DST: variants seen among roughly 807,000 people sequenced by gnomAD.
DST encodes dystonin.
A neutral mutation model predicts 875.2 loss-of-function variants in DST; 253 were observed. The ratio of observed to expected loss-of-function variants is 0.29; its 90% CI spans 0.26 to 0.32. The LOEUF (loss-of-function observed/expected upper bound fraction) is 0.32, where lower values mean the gene tolerates loss of function less well. Ranked by LOEUF, DST falls within the 10% of genes least tolerant of loss-of-function variation. The pLI, the probability that DST is intolerant of heterozygous loss-of-function variation, is 1.00. For missense variants in DST, 8,287 were observed against 9,111.6 expected (o/e 0.91, Z 3.68); for synonymous variants, 3,124 against 3,197.1 (o/e 0.98, Z 0.77).
Position 56,635,660 on chromosome 6 carries a change from T to C in DST, c.3115A>G (p.Ile1039Val), listed in dbSNP as rs2098817515. ...TDYLRNLKDA[I>V]QRKYSCDRSS... ...CTATCACAGCTGTACTTCCGCTGAA[T>C]GGCATCTTTTAGATTCCTTAAGTAA... is the stretch of plus-strand genomic sequence containing the variant. Residue 1039 changes from isoleucine to valine, a missense_variant, in exon 24 of 104, where the codon ATT (isoleucine) becomes GTT (valine). Physicochemically the swap from Ile to Val is conservative, Grantham distance 29 (BLOSUM62 3). Transcript: ENST00000680361. The C allele has an allele frequency of 1.9e-6, 3 of 1,613,862 alleles. No individual in the cohort carries two copies. Among genetic ancestry groups the C allele is most frequent in the Non-Finnish European group, 2.5e-6 (3 of 1,179,918 alleles).
At chr6:56,626,537 T>C (rs1284232632) in intron 34 of DST, among the ~76,000 whole-genome samples, 1 of 152,176 alleles carries the variant, frequency 6.6e-6, no homozygotes, top group African/African-American at 2.4e-5. Context: ...TAGGTTTATG[T>C]GAGTACACTC....
chr6:56,782,464 G>C (rs890878539), intron 4 of DST, among the ~76,000 whole-genome samples: 1 of 151,850 alleles, frequency 6.6e-6, no homozygotes, highest in South Asian at 2.1e-4. Context: ...GAGTGCATGT[G>C]TTGAGGAATT....
chr6:56,636,720 G>A (rs930188391), intron 22 of DST, 68 bp from the exon 23 acceptor site: 9 of 1,240,558 alleles, frequency 7.3e-6, no homozygotes, highest in East Asian at 4.6e-5. Context: ...TTTTGATATC[G>A]ATGCTTCTAA....
chr6:56,871,776 T>TAAAAAAAAAAAAA (rs746142378), intron 3 of DST: 93 of 94,996 alleles, frequency 9.8e-4, no homozygotes, highest in Non-Finnish European at 1.4e-3. Context: ...CAATTAAAAG[T>TAAAAAAAAAAAAA]AAAAAAAAAA....
chr6:56,814,016 A>G (rs1238840658), intron 4 of DST, among the ~76,000 whole-genome samples: 1 of 152,188 alleles, frequency 6.6e-6, no homozygotes, highest in Non-Finnish European at 1.5e-5. Context: ...TTACTCATGT[A>G]AAGAAATTAC....
intron 102 of DST, chr6:56,460,583 A>C (rs1009009472): frequency 5.4e-6 from 1 of 186,414 alleles, no homozygotes; most frequent in Non-Finnish European, 1.1e-5. Flanking sequence ...TCAGACTGTC[A>C]GTGAATATTC....
chr6:56,491,248 T>C (rs2095730181), intron 85 of DST, among the ~76,000 whole-genome samples: 2 of 152,196 alleles, frequency 1.3e-5, no homozygotes, highest in African/African-American at 2.4e-5. Flanking sequence ...CTGTTAGCAT[T>C]AAACATTGAA....
Position 56,530,101 on chromosome 6 carries a change from G to C in DST, c.17141C>G (p.Ala5714Gly). 6.2e-7 allele frequency: 1 copy of C among 1,608,086 alleles called. No homozygotes were observed. The highest frequency in any genetic ancestry group is 8.5e-7 in the Non-Finnish European group (1 of 1,177,742). The change falls in exon 65 of 104, where the codon GCA becomes GGA. Residue 5714 changes from alanine to glycine, a missense_variant. Ala to Gly is a moderately conservative substitution (Grantham distance 60). This residue lies in a region of DST where 777 missense variants were observed against 764.8 expected (regional missense o/e 1.02). Transcript: ENST00000680361. ...NRQLEGISVV[A>G]QQFHETLEPL... ...TTCTAAGGTTTCATGAAATTGCTGTGCTACCACCGAGATACCTTCCAACTG... is the reference window on the plus strand; with the variant it reads ...TTCTAAGGTTTCATGAAATTGCTGTCCTACCACCGAGATACCTTCCAACTG...
In DST at chr6:56,636,287, C is replaced by CATATACAT. The variant is rs550027091; in HGVS notation, c.3060+262_3060+269dup. On this transcript the variant is annotated intron_variant, in intron 23 of 103. Transcript: ENST00000680361. Reference sequence around the variant, plus strand: ...ACACACAAACACACACACACACACACATATACATATATACATATATAACAG... The same window carrying CATATACAT: ...ACACACAAACACACACACACACACACATATACATATATACATATATACATATATAACAG... 6.2e-3 allele frequency among the ~76,000 whole-genome samples: 924 copies of CATATACAT among 148,178 alleles called. 13 individuals are homozygous for CATATACAT. The highest frequency in any genetic ancestry group is 0.023 in the African/African-American group (894 of 39,026).
At chr6:56,764,578 C>T (rs1049748199) in intron 4 of DST, among the ~76,000 whole-genome samples, 2 of 152,126 alleles carry the variant, frequency 1.3e-5, no homozygotes, top group Non-Finnish European at 2.9e-5. Context: ...GTAGTAAACA[C>T]ACTGCCTAGC....
chr6:56,832,993 C>A (rs1026165084), intron 4 of DST, among the ~76,000 whole-genome samples: 10 of 152,222 alleles, frequency 6.6e-5, no homozygotes, highest in African/African-American at 2.4e-4. Context: ...CCTGCCTTGG[C>A]CTTCCAAAGT....
At chr6:56,845,335 T>C (rs924701936) in intron 4 of DST, among the ~76,000 whole-genome samples, 1 of 152,126 alleles carries the variant, frequency 6.6e-6, no homozygotes, top group African/African-American at 2.4e-5. Context: ...AATGCTTAGA[T>C]AGGGATGAGT....
chr6:56,644,601 A>G (rs2098931493), intron 15 of DST, among the ~76,000 whole-genome samples: 1 of 152,234 alleles, frequency 6.6e-6, no homozygotes, highest in Non-Finnish European at 1.5e-5. Flanking sequence ...ATATAAAAAT[A>G]CAACCAAGAT....
At chr6:56,566,439 T>C (rs1327599145) in intron 55 of DST, among the ~76,000 whole-genome samples, 1 of 152,138 alleles carries the variant, frequency 6.6e-6, no homozygotes, top group East Asian at 1.9e-4. Context: ...CAGCTTCCCT[T>C]GGCTAGGCAG....
rs1040498821 is a variant in DST at position 56,824,057 on chromosome 6, G to A, written c.625+27340C>T. ...CTTTCCACGGTCTCCCTCTGATGCC[G>A]AGTCGAAGCTGGACTGTACTGCTGC... is the stretch of plus-strand genomic sequence containing the variant. On this transcript the variant is annotated intron_variant, in intron 4 of 103. Transcript: ENST00000680361. 3.3e-5 allele frequency among the ~76,000 whole-genome samples: 5 copies of A among 152,054 alleles called. No homozygotes were observed. In the East Asian group the frequency reaches 5.8e-4, roughly 18 times the overall value.
chr6:56,954,389 C>A lies in DST; in HGVS notation c.181+18G>T. ...TTGTTCCTGGTAGCCCGCAGAAACC[C>A]GTCGCGGCGTGTCTTACCTCGGCTT... On this transcript the variant is annotated intron_variant, in intron 1 of 103. Coordinates refer to ENST00000680361, the MANE Select transcript of DST (RefSeq NM_001374736.1). The A allele has an allele frequency of 7.3e-7, 1 of 1,360,836 alleles. No individual in the cohort carries two copies. The highest frequency in any genetic ancestry group is 9.8e-7 in the Non-Finnish European group (1 of 1,018,672). 84.3% of individuals were successfully genotyped at this position (1,360,836 alleles called of 1,614,324 possible).
chr6:56,615,254 T>TAA lies in DST; in HGVS notation c.4930-772_4930-771dup, dbSNP rs3841165. 348,552 of 1,099,580 alleles carry TAA rather than the reference T, an allele frequency of 0.32. 19,352 individuals carry two copies. Among genetic ancestry groups the TAA allele is most frequent in the Admixed American group, 0.36 (8,875 of 24,982 alleles). 68.1% of individuals were successfully genotyped at this position (1,099,580 alleles called of 1,614,324 possible). A position where few individuals can be genotyped will look rare whatever the true frequency, so the allele number is the denominator to read the frequency against. ...CATCAAGTTTATCCCACATTCTACGTAAAAAAAAAAACATTTTAGTGTGGC... is the reference window on the plus strand; with the variant it reads ...CATCAAGTTTATCCCACATTCTACGTAAAAAAAAAAAAACATTTTAGTGTGGC... On this transcript the variant is annotated intron_variant, in intron 36 of 103. Coordinates refer to ENST00000680361, the MANE Select transcript of DST (RefSeq NM_001374736.1).
At chr6:56,584,694 C>T (rs554136474) in intron 49 of DST, among the ~76,000 whole-genome samples, 3 of 150,668 alleles carry the variant, frequency 2.0e-5, no homozygotes, top group African/African-American at 7.4e-5. Flanking sequence ...GAATGCTTCC[C>T]GTTTTTGCCC....
intron 61 of DST, among the ~76,000 whole-genome samples, chr6:56,543,370 G>A: frequency 6.6e-6 from 1 of 152,168 alleles, no homozygotes; most frequent in Non-Finnish European, 1.5e-5. Flanking sequence ...TCCTACCAGT[G>A]AGGGGCTCTC....
Sources: gnomAD v4.1 joint callset for allele counts (sites outside exome capture counted in the v4.1 genomes callset) on GRCh38, gnomAD v4.1.1 for gene constraint, gnomAD v4.1.1 regional missense constraint, MANE v1.5 for transcripts, NCBI Gene and HGNC (gene_info 2026-07-23, HGNC 2026-07-21) for gene names.